Variants in PEAK1 observed in about 807,000 individuals in gnomAD.
PEAK1 encodes pseudopodium enriched atypical kinase 1.
Under a neutral mutation model 124.7 loss-of-function variants are expected in PEAK1, and 54 were observed. The observed-to-expected ratio is 0.43, with a 90% CI of 0.35 to 0.54. The LOEUF (loss-of-function observed/expected upper bound fraction) is 0.54, where lower values mean the gene tolerates loss of function less well. Ranked by LOEUF, PEAK1 falls within the 20% of genes least tolerant of loss-of-function variation. The pLI, the probability that PEAK1 is intolerant of heterozygous loss-of-function variation, is 0.01. For synonymous variants in PEAK1, 719 were observed against 760.0 expected, an observed-to-expected ratio of 0.95 and a Z score of 0.89; for missense variants, 2,046 against 2,134.5, an observed-to-expected ratio of 0.96 and a Z score of 0.82.
chr15:77,395,369 A>AGG (rs2070795941), intron 1 of PEAK1, among the ~76,000 whole-genome samples: 1 of 152,152 alleles, frequency 6.6e-6, no homozygotes, highest in Non-Finnish European at 1.5e-5. Flanking sequence ...AGAGAGAGAG[A>AGG]GGGGCAGGGA....
intron 2 of PEAK1, among the ~76,000 whole-genome samples, chr15:77,362,416 G>A (rs554247908): frequency 6.6e-6 from 1 of 151,476 alleles, no homozygotes; most frequent in Admixed American, 6.6e-5. Context: ...TTCATAATAA[G>A]TCACTAGGGA....
intron 2 of PEAK1, among the ~76,000 whole-genome samples, chr15:77,364,525 T>C (rs1267367444): frequency 6.6e-6 from 1 of 152,140 alleles, no homozygotes; most frequent in Non-Finnish European, 1.5e-5. Context: ...GACAGAGCAG[T>C]CAGACTCAAG....
chr15:77,368,449 C>A (rs931506795), intron 1 of PEAK1, among the ~76,000 whole-genome samples: 11 of 150,570 alleles, frequency 7.3e-5, no homozygotes, highest in African/African-American at 2.2e-4. Context: ...ACCCAGGAGG[C>A]GGAGGTTATA....
At chr15:77,147,889 T>C (rs2054285862) in intron 8 of PEAK1, among the ~76,000 whole-genome samples, 1 of 152,250 alleles carries the variant, frequency 6.6e-6, no homozygotes, top group Non-Finnish European at 1.5e-5. Context: ...ATGTTCTATA[T>C]CTTCACTGTC....
intron 6 of PEAK1, among the ~76,000 whole-genome samples, chr15:77,211,791 T>C (rs2058918331): frequency 7.4e-6 from 1 of 134,334 alleles, no homozygotes; most frequent in Non-Finnish European, 1.5e-5. Context: ...CAGGTTGCAG[T>C]GAGCCGAGAT....
intron 2 of PEAK1, among the ~76,000 whole-genome samples, chr15:77,301,776 G>A (rs2063800186): frequency 6.6e-6 from 1 of 152,158 alleles, no homozygotes; most frequent in Non-Finnish European, 1.5e-5. Flanking sequence ...CTAATGTATG[G>A]AGTGGAGAGT....
intron 6 of PEAK1, among the ~76,000 whole-genome samples, chr15:77,231,706 T>G (rs1345799516): frequency 6.6e-6 from 1 of 152,180 alleles, no homozygotes; most frequent in East Asian, 1.9e-4. Context: ...GTTAAATATT[T>G]GAGTAATTAA....
chr15:77,116,597 C>A (rs923266412), intron 9 of PEAK1, among the ~76,000 whole-genome samples: 2 of 151,642 alleles, frequency 1.3e-5, no homozygotes, highest in African/African-American at 2.4e-5. Context: ...GGAGTCTCAG[C>A]GGAGAAAAGC....
chr15:77,332,013 G>C (rs911706053), intron 2 of PEAK1: 1 of 193,756 alleles, frequency 5.2e-6, no homozygotes, highest in Non-Finnish European at 9.3e-6. Context: ...GAGCCGGGCG[G>C]ATCACTTGAG....
In PEAK1 at chr15:77,178,838, T is replaced by G; in HGVS notation, c.3089A>C (p.Lys1030Thr). Residue 1030 changes from lysine (K) to threonine (T), a missense_variant, in exon 7 of 10, where the codon AAG becomes ACG. By Grantham distance (78) the Lys-to-Thr change is moderately conservative. Transcript: ENST00000682557. The part of the protein sequence containing the change: ...AENALLQDSE[K>T]KRSHSSPSQI... ...TGATGGAGAAGAATGACTCCTCTTC[T>G]TCTCTGAGTCCTGTAGTAATGCATT... The G allele has an allele frequency of 6.2e-7, 1 of 1,614,096 alleles. No homozygotes were observed. The highest frequency in any genetic ancestry group is 8.5e-7 in the Non-Finnish European group (1 of 1,179,980).
chr15:77,333,607 C>A, intron 2 of PEAK1: 1 of 955,212 alleles, frequency 1.0e-6, no homozygotes, highest in Non-Finnish European at 1.2e-6. Context: ...CATCTGAAAT[C>A]TTAGCTCATG....
chr15:77,392,414 A>G (rs955587608), intron 1 of PEAK1, among the ~76,000 whole-genome samples: 3 of 152,228 alleles, frequency 2.0e-5, no homozygotes, highest in African/African-American at 7.2e-5. Context: ...AATTTTGATA[A>G]TATATCAAAC....
In PEAK1 at chr15:77,172,182, C is replaced by T. The variant is rs1020438085; in HGVS notation, c.3137+6608G>A. ...CTCAGTTACATTCAAAGCCATTGATCTATCTTGCAGTTTGAATGGATTTTA... is the reference window on the plus strand; with the variant it reads ...CTCAGTTACATTCAAAGCCATTGATTTATCTTGCAGTTTGAATGGATTTTA... On this transcript the variant is annotated intron_variant, in intron 7 of 9. Transcript: ENST00000682557. 5.9e-5 allele frequency among the ~76,000 whole-genome samples: 9 copies of T among 152,272 alleles called. No homozygotes were observed. The East Asian group carries it at 1.5e-3, about 26-fold the overall frequency.
At chr15:77,290,537 G>A (rs1025423363) in intron 2 of PEAK1, among the ~76,000 whole-genome samples, 17 of 151,916 alleles carry the variant, frequency 1.1e-4, no homozygotes, top group Admixed American at 3.3e-4. Context: ...ACAGGCATAA[G>A]CCACCTTGCC....
intron 2 of PEAK1, among the ~76,000 whole-genome samples, chr15:77,322,039 T>C: frequency 6.6e-6 from 1 of 152,100 alleles, no homozygotes; most frequent in East Asian, 1.9e-4. Context: ...ACTGGATACA[T>C]AACGAAATGA....
intron 7 of PEAK1, among the ~76,000 whole-genome samples, chr15:77,162,876 T>A (rs1425232289): frequency 6.6e-6 from 1 of 152,234 alleles, no homozygotes; most frequent in Non-Finnish European, 1.5e-5. Flanking sequence ...ATACTATATG[T>A]TAGCACGTCT....
At position 77,294,243 on chromosome 15, in the gene PEAK1, T is replaced by A. The variant is rs190182298; in HGVS notation, c.-602-7739A>T. ...GTACCTAGAACACACAGGTACTTTGTGTCTACTGAATGTATGAGTCTAATA... is the reference window on the plus strand; with the variant it reads ...GTACCTAGAACACACAGGTACTTTGAGTCTACTGAATGTATGAGTCTAATA... On this transcript the variant is annotated intron_variant, in intron 2 of 9. Coordinates refer to ENST00000682557, the MANE Select transcript of PEAK1 (RefSeq NM_001385026.1). 2.1e-3 allele frequency among the ~76,000 whole-genome samples: 320 copies of A among 152,334 alleles called. 1 individual carries two copies. Among genetic ancestry groups the A allele is most frequent in the Non-Finnish European group, 3.4e-3 (228 of 68,032 alleles).
Position 77,320,826 on chromosome 15 carries a change from C to G in PEAK1, c.-602-34322G>C, listed in dbSNP as rs528321399. On this transcript the variant is annotated intron_variant, in intron 2 of 9. Transcript: ENST00000682557. ...CCCTCCCCCGTCCCCCACAGCACAA[C>G]AGGCCCCAGTGTGTGATGTCCCCCT... Among the ~76,000 whole-genome samples the G allele has an allele frequency of 2.6e-5, 4 of 151,762 alleles. No homozygotes were observed. The East Asian group carries it at 7.8e-4, about 29-fold the overall frequency.
intron 6 of PEAK1, among the ~76,000 whole-genome samples, chr15:77,234,484 T>A (rs778158235): frequency 1.3e-5 from 2 of 152,044 alleles, no homozygotes; most frequent in East Asian, 3.8e-4. Flanking sequence ...CATGCTTCCA[T>A]GAAAAATGTA....
Sources: gnomAD v4.1 joint callset for allele counts (sites outside exome capture counted in the v4.1 genomes callset) on GRCh38, gnomAD v4.1.1 for gene constraint, MANE v1.5 for transcripts, NCBI Gene and HGNC (gene_info 2026-07-23, HGNC 2026-07-21) for gene names.